The following RAB8B variants were observed in gnomAD, a reference collection of about 807,000 sequenced individuals.
RAB8B encodes the protein RAB8B, member RAS oncogene family, also known as ras-related protein Rab-8B.
Under a neutral mutation model 32.0 loss-of-function variants are expected in RAB8B, and 11 were observed. The ratio of observed to expected loss-of-function variants is 0.34; its 90% CI spans 0.22 to 0.57. The LOEUF is 0.57. Among genes scored for constraint, RAB8B ranks in the 20% least tolerant of loss-of-function variants. The pLI, the probability that RAB8B is intolerant of heterozygous loss-of-function variation, is 0.86. For synonymous variants in RAB8B, 103 were observed against 89.6 expected, an observed-to-expected ratio of 1.15 and a Z score of -0.85; for missense variants, 190 against 258.5, an observed-to-expected ratio of 0.73 and a Z score of 1.82.
chr15:63,231,634 G>A (rs552463085), intron 1 of RAB8B, among the ~76,000 whole-genome samples: 2 of 152,158 alleles, frequency 1.3e-5, no homozygotes, highest in African/African-American at 4.8e-5. Flanking sequence ...GTTCATACTC[G>A]AGGGGTTTTC....
At chr15:63,196,312 C>G (rs1595731876) in intron 1 of RAB8B, among the ~76,000 whole-genome samples, 1 of 152,160 alleles carries the variant, frequency 6.6e-6, no homozygotes, top group East Asian at 1.9e-4. Context: ...GATCCTTTAT[C>G]AGAGCTGGTA....
intron 1 of RAB8B, among the ~76,000 whole-genome samples, chr15:63,206,702 A>G (rs2037700953): frequency 6.6e-6 from 1 of 151,998 alleles, no homozygotes; most frequent in Non-Finnish European, 1.5e-5. Flanking sequence ...CCCTATTGAA[A>G]TCATCCTCAT....
Position 63,256,582 on chromosome 15 carries a change from AAG to A in RAB8B, c.405_406del (p.Lys138AlafsTer4). 6.3e-7 allele frequency: 1 copy of A among 1,597,966 alleles called. No homozygotes were observed. The highest frequency in any genetic ancestry group is 8.5e-7 in the Non-Finnish European group (1 of 1,171,566). On this transcript the variant is annotated frameshift_variant, in exon 5 of 8. Transcript: ENST00000321437. LOFTEE classifies it high-confidence loss of function. ...ATGACAAAAGACAAGTGTCAAAAGA[AAG>A]AGGGGAGAAGGTAAATGTGAATGGA... is the stretch of plus-strand genomic sequence containing the variant. ...MNDKRQVSKE[R>X]GEKLAIDYGI... is the part of the protein sequence containing the mutation.
At chr15:63,254,805 G>T (rs1477401276) in intron 3 of RAB8B, among the ~76,000 whole-genome samples, 1 of 152,022 alleles carries the variant, frequency 6.6e-6, no homozygotes, top group Admixed American at 6.6e-5. Flanking sequence ...CCAGCTACTC[G>T]GGAGGCTGAG....
Position 63,259,762 on chromosome 15 carries a change from C to T in RAB8B, c.480+70C>T. On this transcript the variant is annotated intron_variant, in intron 6 of 7. Coordinates refer to ENST00000321437, the MANE Select transcript of RAB8B (RefSeq NM_016530.3). This position sits in a 1 kb window ranked among gnomAD's most constrained non-coding sequence, Gnocchi z 4.4. ...CTTAGGGGCCTGTGTTCAAACAGCTCTCAGAGCTTTGGTATTTTCTGACCT... is the reference window on the plus strand; with the variant it reads ...CTTAGGGGCCTGTGTTCAAACAGCTTTCAGAGCTTTGGTATTTTCTGACCT... The T allele has an allele frequency of 1.5e-6, 2 of 1,344,932 alleles. No individual in the cohort carries two copies. Among genetic ancestry groups the T allele is most frequent in the Non-Finnish European group, 2.1e-6 (2 of 944,278 alleles). The allele number at this position is 1,344,932 out of a possible 1,614,324, so 83.3% of individuals were successfully genotyped here.
chr15:63,253,359 A>G (rs1287386741), intron 3 of RAB8B, among the ~76,000 whole-genome samples: 1 of 152,166 alleles, frequency 6.6e-6, no homozygotes, highest in Non-Finnish European at 1.5e-5. Context: ...TTTATATTTT[A>G]TGTTTACTTA....
intron 1 of RAB8B, among the ~76,000 whole-genome samples, chr15:63,194,910 G>C (rs893704808): frequency 6.6e-6 from 1 of 152,208 alleles, no homozygotes; most frequent in Non-Finnish European, 1.5e-5. Flanking sequence ...TTTGTAGAAA[G>C]TTTGCTGACC....
chr15:63,234,848 C>T (rs2037964924), intron 1 of RAB8B, among the ~76,000 whole-genome samples: 1 of 152,226 alleles, frequency 6.6e-6, no homozygotes, highest in Non-Finnish European at 1.5e-5. Context: ...AATCAGAACT[C>T]CTTTGTTCTT....
chr15:63,241,445 TG>T (rs766681002), intron 1 of RAB8B, among the ~76,000 whole-genome samples: 34 of 152,256 alleles, frequency 2.2e-4, no homozygotes, highest in African/African-American at 5.3e-4. Context: ...TGAAAGTCAT[TG>T]TTTTTTTTAT....
intron 1 of RAB8B, among the ~76,000 whole-genome samples, chr15:63,238,998 T>A (rs570335939): frequency 1.3e-5 from 2 of 152,248 alleles, no homozygotes; most frequent in South Asian, 2.1e-4. Flanking sequence ...ATTGCTGTTG[T>A]GGTCAGGAAC....
chr15:63,252,451 AAGCCTCAGACTCT>A (rs1368466673), intron 3 of RAB8B, among the ~76,000 whole-genome samples: 8 of 152,206 alleles, frequency 5.3e-5, no homozygotes, highest in Non-Finnish European at 1.2e-4. Context: ...CCTAAGTTAG[AAGCCTCAGACTCT>A]AGCCTGCGTT....
chr15:63,262,957 C>A (rs546051682), intron 7 of RAB8B, among the ~76,000 whole-genome samples: 1 of 151,960 alleles, frequency 6.6e-6, no homozygotes, highest in Non-Finnish European at 1.5e-5. Flanking sequence ...TTTAAGTGAT[C>A]TTTAATTGAA....
At chr15:63,253,087 G>A (rs1348595758) in intron 3 of RAB8B, among the ~76,000 whole-genome samples, 2 of 152,186 alleles carry the variant, frequency 1.3e-5, no homozygotes, top group African/African-American at 4.8e-5. Flanking sequence ...GGAAACAATT[G>A]TAAATTGCCT....
At chr15:63,245,343 T>C (rs2038062580) in intron 2 of RAB8B, among the ~76,000 whole-genome samples, 1 of 152,242 alleles carries the variant, frequency 6.6e-6, no homozygotes, top group African/African-American at 2.4e-5. Context: ...TGCATATTTC[T>C]TATTAAATAG....
At position 63,189,762 on chromosome 15, in the gene RAB8B, C is replaced by T. The variant is rs771103583; in HGVS notation, c.124+14C>T. ...TCTCCACCATCGGTGAGGGAGGGGC[C>T]GCGGCCCGGGACCGGGTAGAGAATT... On this transcript the variant is annotated intron_variant, in intron 1 of 7. Transcript: ENST00000321437. 26 of 1,574,810 alleles carry T rather than the reference C, an allele frequency of 1.7e-5. No homozygotes were observed. Among genetic ancestry groups the T allele is most frequent in the Non-Finnish European group, 1.6e-5 (19 of 1,158,260 alleles).
chr15:63,205,985 A>G (rs1483512975), intron 1 of RAB8B, among the ~76,000 whole-genome samples: 1 of 152,216 alleles, frequency 6.6e-6, no homozygotes, highest in Admixed American at 6.5e-5. Context: ...CAGGAACTGT[A>G]ACTGGCCTCT....
At chr15:63,206,694 C>G (rs1289284217) in intron 1 of RAB8B, among the ~76,000 whole-genome samples, 3 of 152,076 alleles carry the variant, frequency 2.0e-5, no homozygotes, top group Non-Finnish European at 2.9e-5. Context: ...ACTTTCAACC[C>G]TATTGAAATC....
chr15:63,190,701 G>A (rs1261041284), intron 1 of RAB8B, among the ~76,000 whole-genome samples: 1 of 152,114 alleles, frequency 6.6e-6, no homozygotes, highest in Non-Finnish European at 1.5e-5. Context: ...GAAATGATGT[G>A]GTCAGGAAAA....
intron 1 of RAB8B, among the ~76,000 whole-genome samples, chr15:63,227,699 C>T (rs1363723614): frequency 6.6e-6 from 1 of 152,146 alleles, no homozygotes; most frequent in Non-Finnish European, 1.5e-5. Context: ...CTGTGCATAC[C>T]TGCTGTTTGT....
Sources: gnomAD v4.1 joint callset for allele counts (sites outside exome capture counted in the v4.1 genomes callset) on GRCh38, gnomAD v4.1.1 for gene constraint, Gnocchi (gnomAD v3.1) non-coding constraint, MANE v1.5 for transcripts, NCBI Gene and HGNC (gene_info 2026-07-23, HGNC 2026-07-21) for gene names.